SGCZ: variants seen among roughly 807,000 people sequenced by gnomAD.
The protein encoded by SGCZ is zeta-sarcoglycan.
In SGCZ, 40 loss-of-function variants were observed where a neutral mutation model predicts 41.3. That is an observed-to-expected ratio of 0.97 (90% CI 0.75 to 1.26). SGCZ has a LOEUF of 1.26. SGCZ is among the 50% of genes most tolerant of loss of function. The pLI, the probability that SGCZ is intolerant of heterozygous loss-of-function variation, is 0.00. For missense variants in SGCZ, 552 were observed against 369.8 expected, an observed-to-expected ratio of 1.49 and a Z score of -4.04; for synonymous variants, 206 against 137.5, an observed-to-expected ratio of 1.50 and a Z score of -3.49.
chr8:14,137,262 C>T (rs565844714), intron 5 of SGCZ, among the ~76,000 whole-genome samples: 1 of 152,334 alleles, frequency 6.6e-6, no homozygotes, highest in East Asian at 1.9e-4. Context: ...AAAACCAGAG[C>T]ACCTCTTCTC....
At chr8:15,222,705 A>T (rs1268710469) in intron 1 of SGCZ, among the ~76,000 whole-genome samples, 1 of 152,110 alleles carries the variant, frequency 6.6e-6, no homozygotes, top group East Asian at 1.9e-4. Context: ...CTTAGAAGTC[A>T]TGATGCTCTT....
chr8:14,670,058 A>C (rs1374747669), intron 1 of SGCZ, among the ~76,000 whole-genome samples: 1 of 152,232 alleles, frequency 6.6e-6, no homozygotes, highest in Non-Finnish European at 1.5e-5. Context: ...GATTTGTCAA[A>C]AAATCAAATC....
intron 3 of SGCZ, among the ~76,000 whole-genome samples, chr8:14,255,202 C>A (rs891624027): frequency 3.9e-5 from 6 of 152,122 alleles, no homozygotes; most frequent in African/African-American, 9.7e-5. Context: ...TCACCCACTG[C>A]CATACTCCCA....
At chr8:14,437,534 A>G (rs1225780218) in intron 2 of SGCZ, among the ~76,000 whole-genome samples, 2 of 152,098 alleles carry the variant, frequency 1.3e-5, no homozygotes, top group African/African-American at 2.4e-5. Flanking sequence ...TTTTCATAAA[A>G]TAGGTTATTT....
At chr8:14,677,968 A>G (rs1808329044) in intron 1 of SGCZ, among the ~76,000 whole-genome samples, 1 of 152,208 alleles carries the variant, frequency 6.6e-6, no homozygotes, top group Non-Finnish European at 1.5e-5. Flanking sequence ...ACAGAGCAAT[A>G]TAACAGCAAA....
At chr8:14,584,419 T>A (rs1804993779) in intron 1 of SGCZ, among the ~76,000 whole-genome samples, 1 of 152,100 alleles carries the variant, frequency 6.6e-6, no homozygotes. Flanking sequence ...TAAGATTTTT[T>A]AAATGTATGA....
At chr8:15,078,147 C>CTT (rs34411963) in intron 1 of SGCZ, among the ~76,000 whole-genome samples, 966 of 44,810 alleles carry the variant, frequency 0.022, 215 homozygotes, top group East Asian at 0.089. Context: ...AGGAACTCTT[C>CTT]TTTTTTTTTT....
intron 5 of SGCZ, among the ~76,000 whole-genome samples, chr8:14,113,084 C>A (rs1394110767): frequency 9.2e-5 from 14 of 152,050 alleles, no homozygotes; most frequent in African/African-American, 3.4e-4. Context: ...GTTTTTGCCT[C>A]CACTTACCAC....
intron 3 of SGCZ, among the ~76,000 whole-genome samples, chr8:14,255,458 C>G (rs1465301795): frequency 1.3e-5 from 2 of 152,056 alleles, no homozygotes; most frequent in Admixed American, 1.3e-4. Context: ...CCAACACCAA[C>G]ATGTAAAAAA....
At chr8:14,862,563 T>C (rs1157708594) in intron 1 of SGCZ, among the ~76,000 whole-genome samples, 1 of 137,770 alleles carries the variant, frequency 7.3e-6, no homozygotes, top group African/African-American at 2.7e-5. Context: ...TATATATATA[T>C]ATATATATAT....
chr8:14,329,559 T>A (rs1235475026), intron 2 of SGCZ, among the ~76,000 whole-genome samples: 1 of 152,104 alleles, frequency 6.6e-6, no homozygotes, highest in South Asian at 2.1e-4. Flanking sequence ...AACCACTGTT[T>A]ATATTGTTAT....
chr8:14,983,224 C>T lies in SGCZ; in HGVS notation c.39+254361G>A, dbSNP rs377448772. Among the ~76,000 whole-genome samples, 12 of 149,394 alleles carry T rather than the reference C, an allele frequency of 8.0e-5. No individual in the cohort carries two copies. The East Asian group carries it at 2.0e-3, about 24-fold the overall frequency. Reference sequence around the variant, plus strand: ...TTTTTGAGACAGGTTCTCACTCTCTCGCCCAGGCTGGAGTGCAGTGGTGTA... The same window carrying T: ...TTTTTGAGACAGGTTCTCACTCTCTTGCCCAGGCTGGAGTGCAGTGGTGTA... On this transcript the variant is annotated intron_variant, in intron 1 of 7. Transcript: ENST00000382080.
At chr8:15,141,765 G>C (rs1199701647) in intron 1 of SGCZ, among the ~76,000 whole-genome samples, 2 of 152,134 alleles carry the variant, frequency 1.3e-5, no homozygotes, top group Non-Finnish European at 2.9e-5. Context: ...AACTCGGCGT[G>C]GTGGTGCGTG....
chr8:14,537,094 T>C (rs1023526287), intron 2 of SGCZ, among the ~76,000 whole-genome samples: 2 of 151,968 alleles, frequency 1.3e-5, no homozygotes, highest in Non-Finnish European at 2.9e-5. Flanking sequence ...ACAGCTCTTC[T>C]GAATACCCAG....
intron 3 of SGCZ, among the ~76,000 whole-genome samples, chr8:14,323,877 AG>A (rs1802008367): frequency 1.3e-5 from 2 of 152,118 alleles, no homozygotes; most frequent in Non-Finnish European, 2.9e-5. Context: ...AGAGTAGAAA[AG>A]CTACACTGCA....
At chr8:15,020,373 G>C (rs1333784149) in intron 1 of SGCZ, among the ~76,000 whole-genome samples, 5 of 152,126 alleles carry the variant, frequency 3.3e-5, no homozygotes, top group African/African-American at 1.2e-4. Context: ...TACAGGAACA[G>C]GCTCGTGCAG....
intron 1 of SGCZ, among the ~76,000 whole-genome samples, chr8:15,128,018 C>G (rs981010582): frequency 1.2e-4 from 18 of 152,108 alleles, no homozygotes; most frequent in African/African-American, 4.3e-4. Flanking sequence ...AATAGAGGTT[C>G]ATGATGTACT....
At chr8:14,930,104 T>C (rs764205578) in intron 1 of SGCZ, among the ~76,000 whole-genome samples, 11 of 152,006 alleles carry the variant, frequency 7.2e-5, no homozygotes, top group Non-Finnish European at 1.6e-4. Flanking sequence ...AATCATATGA[T>C]ATTGTGAATT....
intron 1 of SGCZ, among the ~76,000 whole-genome samples, chr8:14,688,200 T>G (rs1008229134): frequency 6.6e-6 from 1 of 152,208 alleles, no homozygotes; most frequent in African/African-American, 2.4e-5. Context: ...TGAGTTTAAT[T>G]AGATCCCACT....
Sources: gnomAD v4.1 joint callset for allele counts (sites outside exome capture counted in the v4.1 genomes callset) on GRCh38, gnomAD v4.1.1 for gene constraint, MANE v1.5 for transcripts, NCBI Gene and HGNC (gene_info 2026-07-23, HGNC 2026-07-21) for gene names.